CCDC33: variants seen among roughly 807,000 people sequenced by gnomAD.
CCDC33 encodes the protein coiled-coil domain-containing protein 33.
Under a neutral mutation model 91.9 loss-of-function variants are expected in CCDC33, and 94 were observed. That is an observed-to-expected ratio of 1.02 (90% CI 0.87 to 1.21). The LOEUF (loss-of-function observed/expected upper bound fraction) is 1.21. Ranked by LOEUF, CCDC33 falls within the 50% of genes most tolerant of loss-of-function variation. The pLI is 0.00. For missense variants in CCDC33, 940 were observed against 935.5 expected, an observed-to-expected ratio of 1.00 and a Z score of -0.06; for synonymous variants, 396 against 374.5, an observed-to-expected ratio of 1.06 and a Z score of -0.66.
chr15:74,331,804 C>T (rs2060445396), intron 15 of CCDC33, among the ~76,000 whole-genome samples: 1 of 152,148 alleles, frequency 6.6e-6, no homozygotes, highest in Non-Finnish European at 1.5e-5. Flanking sequence ...CCGAGGAGGG[C>T]AGATCACTTG....
chr15:74,211,165 A>G (rs913784095), intron 2 of CCDC33, among the ~76,000 whole-genome samples: 3 of 151,704 alleles, frequency 2.0e-5, no homozygotes, highest in African/African-American at 2.4e-5. Context: ...ACACACACAC[A>G]CACACACACA....
intron 17 of CCDC33, 145 bp from the exon 18 acceptor site, chr15:74,334,830 C>G (rs1277501632): frequency 1.4e-6 from 1 of 694,688 alleles, no homozygotes; most frequent in East Asian, 2.6e-5. Flanking sequence ...CCCGCCACCC[C>G]TGAGGTCTCG....
intron 2 of CCDC33, among the ~76,000 whole-genome samples, chr15:74,230,034 T>C (rs796148965): frequency 9.9e-5 from 15 of 152,280 alleles, no homozygotes; most frequent in African/African-American, 3.6e-4. Context: ...GGAAGAGGGA[T>C]GGCCCAGGCA....
At chr15:74,294,907 G>C (rs2059654309) in intron 10 of CCDC33, among the ~76,000 whole-genome samples, 1 of 152,180 alleles carries the variant, frequency 6.6e-6, no homozygotes, top group African/African-American at 2.4e-5. Context: ...TGGTATTTGA[G>C]TGGCATCAGA....
chr15:74,227,557 A>G (rs1595892326), intron 2 of CCDC33, among the ~76,000 whole-genome samples: 1 of 152,150 alleles, frequency 6.6e-6, no homozygotes, highest in Non-Finnish European at 1.5e-5. Context: ...CTGGGGATGG[A>G]GTTGGGGCTG....
intron 1 of CCDC33, among the ~76,000 whole-genome samples, chr15:74,208,372 G>A (rs545856365): frequency 4.7e-4 from 71 of 152,230 alleles, no homozygotes; most frequent in African/African-American, 1.4e-3. Flanking sequence ...TTCCCAGCAC[G>A]TTCCTCCCTG....
chr15:74,209,535 G>T, intron 2 of CCDC33: 1 of 1,178,908 alleles, frequency 8.5e-7, no homozygotes, highest in Non-Finnish European at 1.2e-6. Flanking sequence ...GGAATTCCAG[G>T]TATGATCTAT....
intron 2 of CCDC33, among the ~76,000 whole-genome samples, chr15:74,248,678 G>A (rs1480972563): frequency 2.0e-5 from 3 of 152,150 alleles, no homozygotes; most frequent in African/African-American, 7.2e-5. Flanking sequence ...CTTGTTTGGG[G>A]CATGGCCATT....
intron 3 of CCDC33, among the ~76,000 whole-genome samples, chr15:74,266,465 C>T (rs1344033264): frequency 1.3e-5 from 2 of 152,164 alleles, no homozygotes; most frequent in African/African-American, 4.8e-5. Context: ...TAACAGCTGC[C>T]GGCATGGAGC....
intron 2 of CCDC33, among the ~76,000 whole-genome samples, chr15:74,231,121 G>C (rs567755151): frequency 1.4e-4 from 22 of 152,188 alleles, no homozygotes; most frequent in Non-Finnish European, 2.6e-4. Context: ...CAAGCAACCA[G>C]GGAAAGGTCA....
At chr15:74,225,673 A>G (rs898667099) in intron 2 of CCDC33, among the ~76,000 whole-genome samples, 1 of 152,082 alleles carries the variant, frequency 6.6e-6, no homozygotes, top group African/African-American at 2.4e-5. Flanking sequence ...AACAACCCCA[A>G]GTGCAGCACC....
chr15:74,330,294 C>T lies in CCDC33; in HGVS notation c.1396C>T (p.Arg466Cys), dbSNP rs1025588088. The T allele has an allele frequency of 9.9e-6, 16 of 1,611,566 alleles. No individual in the cohort carries two copies. Among genetic ancestry groups the T allele is most frequent in the East Asian group, 8.9e-5 (4 of 44,814 alleles). ...LEGENRILRS[R>C]LAQQEEEEGQ... ...AGGAGAGAACCGCATACTGAGGAGC[C>T]GCCTGGCCCAGCAGGAGGAGGAAGA... The change falls in exon 12 of 19, where the codon CGC becomes TGC. Residue 466 changes from arginine (R) to cysteine (C), a missense_variant. Arg to Cys is a radical substitution (Grantham distance 180). Transcript: ENST00000398814.
intron 5 of CCDC33, among the ~76,000 whole-genome samples, chr15:74,270,783 A>G (rs240047): frequency 0.97 from 146,899 of 152,158 alleles, 71,122 homozygotes; most frequent in East Asian, 1. Flanking sequence ...CCAGGCCCAG[A>G]CTGAGCAGGG....
At chr15:74,324,222 G>A (rs540416198) in intron 11 of CCDC33, among the ~76,000 whole-genome samples, 131 of 151,952 alleles carry the variant, frequency 8.6e-4, no homozygotes, top group African/African-American at 3.0e-3. Context: ...CATGGAGAGG[G>A]CACCGTGACA....
intron 5 of CCDC33, among the ~76,000 whole-genome samples, chr15:74,270,185 G>A (rs151236842): frequency 1.3e-5 from 2 of 152,338 alleles, no homozygotes; most frequent in East Asian, 1.9e-4. Context: ...GGGGTTAGAG[G>A]TGGGAAAACC....
chr15:74,271,606 C>T (rs577919566), intron 5 of CCDC33, 97 bp from the exon 6 acceptor site: 212 of 837,538 alleles, frequency 2.5e-4, no homozygotes, highest in Non-Finnish European at 4.0e-4. Flanking sequence ...CATGAGCTCA[C>T]GGATGGGGAA....
chr15:74,283,579 G>T (rs1411753916), intron 10 of CCDC33, among the ~76,000 whole-genome samples: 1 of 152,198 alleles, frequency 6.6e-6, no homozygotes, highest in Non-Finnish European at 1.5e-5. Flanking sequence ...TCCAAGTCAT[G>T]CGGGAAAATG....
chr15:74,291,113 C>T (rs1231278354), intron 10 of CCDC33, among the ~76,000 whole-genome samples: 1 of 152,198 alleles, frequency 6.6e-6, no homozygotes, highest in Non-Finnish European at 1.5e-5. Context: ...ACACTGGGGC[C>T]CTTCTTGGCT....
chr15:74,330,698 G>A lies in CCDC33; in HGVS notation c.1492G>A (p.Asp498Asn). 1 of 1,613,712 alleles carries A rather than the reference G, an allele frequency of 6.2e-7. No homozygotes were observed. The highest frequency in any genetic ancestry group is 8.5e-7 in the Non-Finnish European group (1 of 1,180,006). ...MKQKLLLSEL[D>N]MKKLRDRVQH... Reference sequence around the variant, plus strand: ...GCAGAAACTGCTGCTGAGTGAGCTGGATATGAAGAAACTGAGGGACAGGGT... The same window carrying A: ...GCAGAAACTGCTGCTGAGTGAGCTGAATATGAAGAAACTGAGGGACAGGGT... Residue 498 changes from aspartate (D) to asparagine (N), a missense_variant, in exon 13 of 19, where the codon GAT (aspartate) becomes AAT (asparagine). Asp to Asn is a conservative substitution (Grantham distance 23). Transcript: ENST00000398814.
Sources: allele counts gnomAD v4.1 joint callset (sites outside exome capture counted in the v4.1 genomes callset), GRCh38; gene constraint gnomAD v4.1.1; transcripts MANE v1.5; gene names NCBI Gene and HGNC (gene_info 2026-07-23, HGNC 2026-07-21).